COL27A1: variants seen among roughly 807,000 people sequenced by gnomAD.
COL27A1 encodes collagen type XXVII alpha 1 chain.
Under a neutral mutation model 251.3 loss-of-function variants are expected in COL27A1, and 106 were observed. The ratio of observed to expected loss-of-function variants is 0.42; its 90% CI spans 0.36 to 0.50. COL27A1 has a LOEUF of 0.50. Ranked by LOEUF, COL27A1 falls within the 20% of genes least tolerant of loss-of-function variation. The probability of loss-of-function intolerance (pLI) is 0.00; values close to 1 mark genes in which losing one functional copy is unlikely to be tolerated. For missense variants in COL27A1, 2,325 were observed against 2,522.8 expected, an observed-to-expected ratio of 0.92 and a Z score of 1.68; for synonymous variants, 1,000 against 986.3, an observed-to-expected ratio of 1.01 and a Z score of -0.26.
intron 1 of COL27A1, among the ~76,000 whole-genome samples, chr9:114,156,518 C>G (rs1848131924): frequency 6.6e-6 from 1 of 152,048 alleles, no homozygotes; most frequent in South Asian, 2.1e-4. Flanking sequence ...TGGCTCTGCA[C>G]GTCCCCGCGT....
chr9:114,217,556 G>A (rs990348915), intron 12 of COL27A1, among the ~76,000 whole-genome samples: 1 of 152,230 alleles, frequency 6.6e-6, no homozygotes, highest in Non-Finnish European at 1.5e-5. Flanking sequence ...TCCAACCTGA[G>A]CAGGACAGAG....
chr9:114,191,039 C>T (rs1828715054), intron 5 of COL27A1, among the ~76,000 whole-genome samples: 3 of 152,174 alleles, frequency 2.0e-5, no homozygotes, highest in Non-Finnish European at 4.4e-5. Context: ...ATCCCTTAAG[C>T]CGCCACTTCA....
At chr9:114,280,897 G>A (rs546944059) in intron 37 of COL27A1, among the ~76,000 whole-genome samples, 9 of 152,298 alleles carry the variant, frequency 5.9e-5, no homozygotes, top group Admixed American at 1.3e-4. Context: ...ATTTTCATGC[G>A]CTGGCCACCC....
intron 37 of COL27A1, among the ~76,000 whole-genome samples, chr9:114,277,001 T>C (rs1237576458): frequency 6.6e-6 from 1 of 152,178 alleles, no homozygotes; most frequent in Admixed American, 6.5e-5. Flanking sequence ...AAGCTGGAAT[T>C]TGAACTTAGG....
chr9:114,269,566 G>T (rs2135625060), intron 35 of COL27A1, among the ~76,000 whole-genome samples: 1 of 126,498 alleles, frequency 7.9e-6, no homozygotes, highest in South Asian at 2.5e-4. Context: ...GGTGAGCCAA[G>T]ATCATGCCAC....
intron 28 of COL27A1, among the ~76,000 whole-genome samples, chr9:114,261,116 T>G (rs1834298358): frequency 6.6e-6 from 1 of 152,202 alleles, no homozygotes; most frequent in African/African-American, 2.4e-5. Flanking sequence ...CCTGAGCACC[T>G]TGAACTTGCT....
intron 23 of COL27A1, among the ~76,000 whole-genome samples, chr9:114,243,924 C>CTTTTTTTTTTTTTTT (rs1564515708): frequency 7.2e-6 from 1 of 138,082 alleles, no homozygotes; most frequent in African/African-American, 2.8e-5. Flanking sequence ...TTTTTTCTTT[C>CTTTTTTTTTTTTTTT]ATTTTTTTTT....
intron 34 of COL27A1, 61 bp from the exon 35 acceptor site, chr9:114,269,180 G>A (rs1285470993): frequency 1.7e-6 from 2 of 1,173,326 alleles, no homozygotes; most frequent in Non-Finnish European, 2.4e-6. Flanking sequence ...AACAGGAAGG[G>A]GTGTCGAGAG....
chr9:114,204,220 A>G (rs1276795542), intron 7 of COL27A1, among the ~76,000 whole-genome samples: 1 of 152,206 alleles, frequency 6.6e-6, no homozygotes, highest in African/African-American at 2.4e-5. Flanking sequence ...AAAGTTGCAT[A>G]ATAAGTTAGG....
chr9:114,258,871 T>G lies in COL27A1; in HGVS notation c.3195+277T>G, dbSNP rs1229977860. 2.0e-5 allele frequency among the ~76,000 whole-genome samples: 3 copies of G among 152,238 alleles called. No individual in the cohort carries two copies. The East Asian group carries it at 5.8e-4, about 29-fold the overall frequency. ...GTTCATTCATTTATTCAACCAGCAC[T>G]TATTTAGCACCTACTGTCTGGCGGA... On this transcript the variant is annotated intron_variant, in intron 28 of 60. Coordinates refer to ENST00000356083, the MANE Select transcript of COL27A1 (RefSeq NM_032888.4).
rs1829413581 is a variant in COL27A1 at position 114,311,120 on chromosome 9, G to A, written c.*425G>A. The A allele has an allele frequency of 6.2e-6, 1 of 162,018 alleles. No individual in the cohort carries two copies. Among genetic ancestry groups the A allele is most frequent in the Non-Finnish European group, 1.4e-5 (1 of 73,876 alleles). The allele number at this position is 162,018 out of a possible 1,614,324, so 10.0% of individuals were successfully genotyped here. On this transcript the variant is annotated 3_prime_UTR_variant, in exon 61 of 61. Coordinates refer to ENST00000356083, the MANE Select transcript of COL27A1 (RefSeq NM_032888.4). ...TTAGAAAGGAGACATGAAAAAAGGA[G>A]AAAAGGAAAGACAGAAGTGTATATA...
At chr9:114,183,143 C>G in intron 5 of COL27A1, 68 bp downstream of exon 5, 1 of 1,452,234 alleles carries the variant, frequency 6.9e-7, no homozygotes, top group South Asian at 1.1e-5. Flanking sequence ...GCAGTGCTTC[C>G]CAGGGGTGCC....
chr9:114,261,251 C>T (rs1834311824), intron 28 of COL27A1, among the ~76,000 whole-genome samples: 1 of 152,200 alleles, frequency 6.6e-6, no homozygotes, highest in Admixed American at 6.5e-5. Context: ...AAGCCTGATC[C>T]CCAGGCCTGG....
In COL27A1 at chr9:114,306,708, G is replaced by C; in HGVS notation, c.5107+20G>C. On this transcript the variant is annotated intron_variant, in intron 58 of 60. Transcript: ENST00000356083. ...TGGATGGTGAGAAGGCTTCCTGCCG[G>C]GGGTGGGTGCGCCTGGCGGTGGGGA... The C allele has an allele frequency of 1.2e-6, 2 of 1,607,828 alleles. No individual in the cohort carries two copies. Among genetic ancestry groups the C allele is most frequent in the Non-Finnish European group, 1.7e-6 (2 of 1,177,380 alleles).
chr9:114,233,184 G>A (rs1832089080), intron 16 of COL27A1, among the ~76,000 whole-genome samples: 2 of 152,204 alleles, frequency 1.3e-5, no homozygotes, highest in South Asian at 4.1e-4. Flanking sequence ...TGAGACTCTG[G>A]GAGGTCACAT....
intron 14 of COL27A1, among the ~76,000 whole-genome samples, chr9:114,227,011 A>G (rs1462914021): frequency 6.6e-6 from 1 of 152,216 alleles, no homozygotes; most frequent in Non-Finnish European, 1.5e-5. Flanking sequence ...CGAAGGACAA[A>G]TGGGCATTAA....
At chr9:114,264,245 G>C in intron 28 of COL27A1, 110 bp from the exon 29 acceptor site, 1 of 777,150 alleles carries the variant, frequency 1.3e-6, no homozygotes, top group Non-Finnish European at 1.9e-6. Context: ...GGAGGGGGCC[G>C]GAGCTTGTGC....
intron 40 of COL27A1, among the ~76,000 whole-genome samples, chr9:114,284,278 A>G (rs984592932): frequency 1.3e-5 from 2 of 152,208 alleles, no homozygotes; most frequent in East Asian, 3.9e-4. Context: ...AGTGTCTGGA[A>G]GAAATGCAGC....
chr9:114,157,850 A>G (rs1306479480), intron 1 of COL27A1, among the ~76,000 whole-genome samples: 2 of 152,176 alleles, frequency 1.3e-5, no homozygotes, highest in African/African-American at 2.4e-5. Context: ...CCGGCACCTT[A>G]TTCCTAGCTG....
Sources: allele counts gnomAD v4.1 joint callset (sites outside exome capture counted in the v4.1 genomes callset), GRCh38; gene constraint gnomAD v4.1.1; transcripts MANE v1.5; gene names NCBI Gene and HGNC (gene_info 2026-07-23, HGNC 2026-07-21).